GPHN: variants seen among roughly 807,000 people sequenced by gnomAD.
The protein encoded by GPHN is gephyrin.
A neutral mutation model predicts 95.5 loss-of-function variants in GPHN; 17 were observed. The ratio of observed to expected loss-of-function variants is 0.18; its 90% CI spans 0.12 to 0.27. The LOEUF (loss-of-function observed/expected upper bound fraction) is 0.27, where lower values mean the gene tolerates loss of function less well. Among genes scored for constraint, GPHN ranks in the 10% least tolerant of loss-of-function variants. GPHN has a pLI of 1.00. For synonymous variants in GPHN, 320 were observed against 322.5 expected (o/e 0.99, Z 0.08); for missense variants, 660 against 978.1 (o/e 0.67, Z 4.34).
chr14:67,282,366 G>A, the GPHN span, among the ~76,000 whole-genome samples: 1 of 152,064 alleles, frequency 6.6e-6, no homozygotes, highest in African/African-American at 2.4e-5. Context: ...TTAAATGAGG[G>A]AAGAATGGGC....
chr14:67,483,854 C>A, the GPHN span, among the ~76,000 whole-genome samples: 2 of 152,168 alleles, frequency 1.3e-5, no homozygotes, highest in African/African-American at 4.8e-5. Context: ...GAGGAGCGGT[C>A]CGAACACAGA....
intron 5 of GPHN, 34 bp downstream of exon 5, chr14:66,880,067 G>T (rs2063857288): frequency 1.6e-6 from 2 of 1,280,356 alleles, no homozygotes; most frequent in Non-Finnish European, 1.1e-6. Flanking sequence ...CAAACCATTT[G>T]CTAGGTGAAC....
chr14:67,524,199 C>T, the GPHN span, among the ~76,000 whole-genome samples: 85 of 152,270 alleles, frequency 5.6e-4, no homozygotes, highest in African/African-American at 1.8e-3. Context: ...TCAATCTTCC[C>T]GCCTCAGCCT....
At chr14:67,537,775 CTG>C in the GPHN span, among the ~76,000 whole-genome samples, 1 of 152,200 alleles carries the variant, frequency 6.6e-6, no homozygotes, top group Non-Finnish European at 1.5e-5. Flanking sequence ...GATACAGACT[CTG>C]AGTCTGGAGT....
At chr14:67,620,031 C>T in the GPHN span, 1 of 1,612,230 alleles carries the variant, frequency 6.2e-7, no homozygotes, top group Admixed American at 1.7e-5. Flanking sequence ...TGCATTCCAT[C>T]CTGAAGAAAT....
chr14:67,470,942 G>A, the GPHN span: 1 of 152,236 alleles, frequency 6.6e-6, no homozygotes, highest in East Asian at 1.9e-4. Context: ...TGGCCACTAA[G>A]GGATTGGGGC....
At chr14:67,341,091 G>A in the GPHN span, among the ~76,000 whole-genome samples, 3 of 152,264 alleles carry the variant, frequency 2.0e-5, no homozygotes, top group East Asian at 1.9e-4. Flanking sequence ...CTGCCCAGCC[G>A]CCACCCGGTC....
chr14:66,875,124 T>G (rs1324608654), intron 4 of GPHN, among the ~76,000 whole-genome samples: 3 of 152,264 alleles, frequency 2.0e-5, no homozygotes, highest in Admixed American at 1.3e-4. Context: ...AAGAAAAGAA[T>G]TTTCAACTCA....
chr14:67,391,230 GATCA>G, the GPHN span, among the ~76,000 whole-genome samples: 2 of 151,546 alleles, frequency 1.3e-5, no homozygotes, highest in Non-Finnish European at 2.9e-5. Flanking sequence ...AGCAAGAAAC[GATCA>G]ATTATATGAT....
chr14:66,999,238 A>T (rs1457093833), intron 9 of GPHN, among the ~76,000 whole-genome samples: 1 of 151,910 alleles, frequency 6.6e-6, no homozygotes, highest in Non-Finnish European at 1.5e-5. Flanking sequence ...AGTTTGGGGT[A>T]TATATTTTGA....
At chr14:67,128,010 A>G (rs932246661) in intron 17 of GPHN, among the ~76,000 whole-genome samples, 11 of 152,158 alleles carry the variant, frequency 7.2e-5, no homozygotes, top group African/African-American at 2.4e-4. Flanking sequence ...TACTATTTCC[A>G]TGTCTTCATT....
chr14:67,082,575 A>G (rs539781257), intron 11 of GPHN, among the ~76,000 whole-genome samples: 6 of 152,058 alleles, frequency 3.9e-5, no homozygotes, highest in African/African-American at 1.4e-4. Context: ...GACTCCTCCA[A>G]CTTTGTTCTT....
chr14:67,071,220 C>G (rs2076293085), intron 11 of GPHN, among the ~76,000 whole-genome samples: 1 of 152,118 alleles, frequency 6.6e-6, no homozygotes, highest in African/African-American at 2.4e-5. Context: ...ATAGCAAAGA[C>G]TTGGAACCAA....
At chr14:66,899,452 T>C (rs192935197) in intron 5 of GPHN, among the ~76,000 whole-genome samples, 284 of 152,076 alleles carry the variant, frequency 1.9e-3, no homozygotes, top group African/African-American at 6.7e-3. Context: ...TTTCTACATT[T>C]TTTGAGAGTT....
At chr14:66,843,654 C>T (rs2062188400) in intron 4 of GPHN, among the ~76,000 whole-genome samples, 1 of 152,310 alleles carries the variant, frequency 6.6e-6, no homozygotes, top group South Asian at 2.1e-4. Flanking sequence ...TAACCCTGAT[C>T]ATATTTTATT....
At chr14:66,981,627 A>C (rs963113810) in intron 9 of GPHN, among the ~76,000 whole-genome samples, 2 of 152,316 alleles carry the variant, frequency 1.3e-5, no homozygotes, top group South Asian at 4.1e-4. Flanking sequence ...ATGATATGGT[A>C]TAATAAGGTT....
chr14:67,211,627 CA>C, the GPHN span, among the ~76,000 whole-genome samples: 3 of 152,054 alleles, frequency 2.0e-5, no homozygotes, highest in Non-Finnish European at 4.4e-5. Context: ...GGTAATATAG[CA>C]ATCAATTTAA....
chr14:67,203,510 T>C, the GPHN span, among the ~76,000 whole-genome samples: 1 of 152,164 alleles, frequency 6.6e-6, no homozygotes, highest in East Asian at 1.9e-4. Flanking sequence ...CTAAATCTAA[T>C]TAACAGGAAC....
chr14:67,710,782 A>G, the GPHN span, among the ~76,000 whole-genome samples: 4 of 152,008 alleles, frequency 2.6e-5, no homozygotes, highest in Non-Finnish European at 5.9e-5. Flanking sequence ...GAAAATACCC[A>G]AATAATGAAA....
Sources: gnomAD v4.1 joint callset for allele counts (sites outside exome capture counted in the v4.1 genomes callset) on GRCh38, gnomAD v4.1.1 for gene constraint, MANE v1.5 for transcripts, NCBI Gene and HGNC (gene_info 2026-07-23, HGNC 2026-07-21) for gene names.